ERCC6: variants seen among roughly 807,000 people sequenced by gnomAD.
ERCC6 encodes the protein DNA excision repair protein ERCC-6.
ERCC6 carries 116 observed loss-of-function variants against 158.7 expected under a neutral mutation model. That is an observed-to-expected ratio of 0.73 (90% CI 0.63 to 0.85). The LOEUF is 0.85. ERCC6 is among the 40% of genes least tolerant of loss of function. The pLI, the probability that ERCC6 is intolerant of heterozygous loss-of-function variation, is 0.00. For synonymous variants in ERCC6, 678 were observed against 659.3 expected, an observed-to-expected ratio of 1.03 and a Z score of -0.43; for missense variants, 1,698 against 1,799.4, an observed-to-expected ratio of 0.94 and a Z score of 1.02.
chr10:49,526,942 C>A (rs898214219), intron 4 of ERCC6, among the ~76,000 whole-genome samples: 1 of 152,098 alleles, frequency 6.6e-6, no homozygotes, highest in Non-Finnish European at 1.5e-5. Context: ...CAGGGAGAGG[C>A]AGTAGAACAA....
downstream of ERCC6, among the ~76,000 whole-genome samples, chr10:49,450,916 A>G (rs190472626): frequency 1.7e-4 from 25 of 151,494 alleles, no homozygotes; most frequent in Non-Finnish European, 2.9e-4. Flanking sequence ...GGTTCATGCC[A>G]TTCTCCTGCC....
At chr10:49,526,179 T>A (rs550864123) in intron 4 of ERCC6, among the ~76,000 whole-genome samples, 4 of 138,158 alleles carry the variant, frequency 2.9e-5, no homozygotes, top group South Asian at 4.8e-4. Flanking sequence ...ATGCTAAGCT[T>A]TAGTAGACAC....
At chr10:49,504,330 G>A (rs1208047566) in intron 6 of ERCC6, 3 of 152,128 alleles carry the variant, frequency 2.0e-5, no homozygotes, top group African/African-American at 7.2e-5. Flanking sequence ...CCAGGAATGT[G>A]CAATTAAGAC....
the ERCC6 span, among the ~76,000 whole-genome samples, chr10:49,438,928 G>A: frequency 1.3e-5 from 2 of 152,288 alleles, no homozygotes; most frequent in South Asian, 2.1e-4. Context: ...TCTAGGTCAC[G>A]CTGATGTAAA....
chr10:49,471,174 A>G, intron 16 of ERCC6, 54 bp from the exon 17 acceptor site: 1 of 1,575,442 alleles, frequency 6.3e-7, no homozygotes, highest in Non-Finnish European at 8.7e-7. Flanking sequence ...CTACCTAAAA[A>G]TTCAAGTTAT....
At chr10:49,460,281 C>A in intron 20 of ERCC6, 92 bp downstream of exon 20, 1 of 879,208 alleles carries the variant, frequency 1.1e-6, no homozygotes, top group Non-Finnish European at 1.9e-6. Flanking sequence ...CCAGAGATGA[C>A]CATTTTCTTC....
chr10:49,522,099 T>TA (rs937801945), intron 5 of ERCC6, among the ~76,000 whole-genome samples: 6 of 151,310 alleles, frequency 4.0e-5, no homozygotes, highest in East Asian at 1.9e-4. Flanking sequence ...TTCTAACCAC[T>TA]AAAAAAAAAC....
intron 5 of ERCC6, among the ~76,000 whole-genome samples, chr10:49,508,677 A>G (rs1027010872): frequency 1.3e-5 from 2 of 152,142 alleles, no homozygotes; most frequent in Non-Finnish European, 2.9e-5. Flanking sequence ...ATAAAACCAC[A>G]TGCATACAGA....
intron 8 of ERCC6, among the ~76,000 whole-genome samples, chr10:49,489,052 G>A (rs1851127605): frequency 6.6e-6 from 1 of 152,124 alleles, no homozygotes; most frequent in Admixed American, 6.5e-5. Flanking sequence ...CAAAGTGCTG[G>A]GATTATAGGC....
At chr10:49,459,638 G>T (rs1291264615) in intron 20 of ERCC6, among the ~76,000 whole-genome samples, 1 of 152,032 alleles carries the variant, frequency 6.6e-6, no homozygotes, top group East Asian at 1.9e-4. Context: ...TGTGGATAAG[G>T]AACAATATCA....
intron 18 of ERCC6, among the ~76,000 whole-genome samples, chr10:49,467,216 A>T (rs983728651): frequency 2.0e-5 from 3 of 152,234 alleles, no homozygotes; most frequent in African/African-American, 7.2e-5. Context: ...TCGTATGGAC[A>T]TATTTTTCCA....
chr10:49,525,522 C>T (rs1227020639), intron 4 of ERCC6, among the ~76,000 whole-genome samples: 1 of 152,168 alleles, frequency 6.6e-6, no homozygotes, highest in Non-Finnish European at 1.5e-5. Context: ...GAAAGTATCC[C>T]TCTTTCATTA....
At chr10:49,516,873 G>A (rs768301659) in intron 5 of ERCC6, 6 of 1,614,038 alleles carry the variant, frequency 3.7e-6, no homozygotes, top group South Asian at 2.2e-5. Context: ...ATCTTTAGGT[G>A]CGTATGAGGG....
At chr10:49,481,879 T>C (rs1379691243) in intron 10 of ERCC6, among the ~76,000 whole-genome samples, 2 of 152,188 alleles carry the variant, frequency 1.3e-5, no homozygotes, top group Non-Finnish European at 2.9e-5. Flanking sequence ...CAGGTCCTCA[T>C]GGCCCTCACC....
At chr10:49,507,483 C>T (rs1423790670) in intron 5 of ERCC6, among the ~76,000 whole-genome samples, 3 of 152,138 alleles carry the variant, frequency 2.0e-5, no homozygotes, top group African/African-American at 7.2e-5. Context: ...TGCTTAACTT[C>T]TAAAGGCAAT....
rs527295952 is a variant in ERCC6, at chr10:49,461,167, G to A, written c.3983+185C>T. The stretch of plus-strand genomic sequence containing the variant: ...CCACTTTGGAAAACAGGGGATGAAA[G>A]CAAGGAGGAAGGCAAAGTTATAACA... On this transcript the variant is annotated intron_variant, in intron 19 of 20. Transcript: ENST00000355832. Among the ~76,000 whole-genome samples the A allele has an allele frequency of 5.3e-5, 8 of 152,328 alleles. No homozygotes were observed. In the East Asian group the frequency reaches 1.2e-3, roughly 22 times the overall value.
At chr10:49,509,701 TC>T (rs1461880437) in intron 5 of ERCC6, among the ~76,000 whole-genome samples, 3 of 152,126 alleles carry the variant, frequency 2.0e-5, no homozygotes, top group African/African-American at 7.2e-5. Flanking sequence ...TGAGCTGAAA[TC>T]TTAAAAATTA....
intron 4 of ERCC6, among the ~76,000 whole-genome samples, chr10:49,526,808 G>C (rs956399909): frequency 6.6e-6 from 1 of 152,120 alleles, no homozygotes; most frequent in African/African-American, 2.4e-5. Flanking sequence ...GTTGGCTGGT[G>C]TCCAGACGGA....
intron 1 of ERCC6, among the ~76,000 whole-genome samples, chr10:49,537,502 T>TACACACACACAC (rs1157343253): frequency 7.0e-5 from 9 of 128,910 alleles, no homozygotes; most frequent in African/African-American, 2.5e-4. Context: ...TATATATATA[T>TACACACACACAC]ACACATACAC....
Sources: allele counts gnomAD v4.1 joint callset (sites outside exome capture counted in the v4.1 genomes callset), GRCh38; gene constraint gnomAD v4.1.1; transcripts MANE v1.5; gene names NCBI Gene and HGNC (gene_info 2026-07-23, HGNC 2026-07-21).